ATXN8OS: variants seen among roughly 807,000 people sequenced by gnomAD.
ATXN8OS encodes the protein ATXN8 opposite strand (non-protein coding).
chr13:70,165,192 C>T (rs1889064016), intron 4 of ATXN8OS, among the ~76,000 whole-genome samples: 1 of 151,546 alleles, frequency 6.6e-6, no homozygotes, highest in African/African-American at 2.4e-5. Context: ...AAAACGAAAG[C>T]ATATTGTTAA....
chr13:70,140,533 C>CACACAA lies in ATXN8OS; in HGVS notation n.500-6821_500-6820insCACAAA, dbSNP rs71196274. The stretch of plus-strand genomic sequence containing the variant: ...TTGCTTACCATAACACACACACACA[C>CACACAA]AAAAAAAAAAAAACGGAGAAGAAAT... On this transcript the variant is annotated intron_variant and non_coding_transcript_variant, in intron 3 of 4. Coordinates refer to ENST00000678624, the Ensembl canonical transcript of ATXN8OS. 1.9e-3 allele frequency among the ~76,000 whole-genome samples: 247 copies of CACACAA among 133,044 alleles called. 1 individual carries two copies. The highest frequency in any genetic ancestry group is 2.6e-3 in the Non-Finnish European group (166 of 63,590). The allele number at this position is 133,044 out of a possible 152,430, so 87.3% of individuals were successfully genotyped here.
At chr13:70,130,078 C>T (rs1233738076) in intron 3 of ATXN8OS, among the ~76,000 whole-genome samples, 2 of 152,164 alleles carry the variant, frequency 1.3e-5, no homozygotes, top group South Asian at 2.1e-4. Flanking sequence ...GACTTTCTCT[C>T]CAATCTACTT....
intron 4 of ATXN8OS, among the ~76,000 whole-genome samples, chr13:70,160,441 G>A (rs1415311420): frequency 6.6e-6 from 1 of 151,814 alleles, no homozygotes; most frequent in Non-Finnish European, 1.5e-5. Flanking sequence ...TCTGGTGACA[G>A]CACTTTTCCT....
intron 2 of ATXN8OS, among the ~76,000 whole-genome samples, chr13:70,129,041 G>C (rs1888487044): frequency 1.3e-5 from 2 of 151,938 alleles, no homozygotes; most frequent in African/African-American, 4.8e-5. Flanking sequence ...TTTGTATTTA[G>C]TAGAGACAGG....
chr13:70,155,378 T>A (rs754949008), intron 4 of ATXN8OS, among the ~76,000 whole-genome samples: 2 of 152,130 alleles, frequency 1.3e-5, no homozygotes, highest in African/African-American at 4.8e-5. Flanking sequence ...AATTCTCAAT[T>A]TGGTCCATAA....
chr13:70,155,537 A>G (rs1888925704), intron 4 of ATXN8OS, among the ~76,000 whole-genome samples: 2 of 152,164 alleles, frequency 1.3e-5, no homozygotes, highest in South Asian at 4.1e-4. Flanking sequence ...AGCCTGTTAA[A>G]TGGTTATCAT....
At chr13:70,161,696 C>T (rs965051810) in intron 4 of ATXN8OS, among the ~76,000 whole-genome samples, 1 of 150,592 alleles carries the variant, frequency 6.6e-6, no homozygotes, top group Non-Finnish European at 1.5e-5. Context: ...CAGAGGCGGT[C>T]TCTGTTTCAT....
chr13:70,154,165 A>T lies in ATXN8OS; in HGVS notation n.573+6737A>T, dbSNP rs147975581. 2.0e-3 allele frequency among the ~76,000 whole-genome samples: 307 copies of T among 152,288 alleles called. 1 individual carries two copies. Among genetic ancestry groups the T allele is most frequent in the Middle Eastern group, 0.014 (4 of 294 alleles). On this transcript the variant is annotated intron_variant and non_coding_transcript_variant, in intron 4 of 4. Coordinates refer to ENST00000678624, the Ensembl canonical transcript of ATXN8OS. ...CAGTTTTATTTCTCCACATATTTTA[A>T]AAATAATGCTCTAAATTTTTGAGAG... is the stretch of plus-strand genomic sequence containing the variant.
chr13:70,158,889 C>A (rs770135756), intron 4 of ATXN8OS, among the ~76,000 whole-genome samples: 1 of 152,164 alleles, frequency 6.6e-6, no homozygotes, highest in Non-Finnish European at 1.5e-5. Flanking sequence ...CATAGTTTGT[C>A]AACCTCTGTG....
At chr13:70,157,779 C>T (rs896163859) in intron 4 of ATXN8OS, among the ~76,000 whole-genome samples, 13 of 152,084 alleles carry the variant, frequency 8.5e-5, no homozygotes, top group African/African-American at 3.1e-4. Context: ...CTCCAACTGG[C>T]CTAACTTAAT....
At chr13:70,161,303 G>A (rs573165705) in intron 4 of ATXN8OS, among the ~76,000 whole-genome samples, 4 of 152,104 alleles carry the variant, frequency 2.6e-5, no homozygotes, top group African/African-American at 9.6e-5. Context: ...CATTTACTGT[G>A]TTTCCAGGAA....
rs1888385620 is a variant in ATXN8OS, at chr13:70,123,171, A to G, written n.399-6613A>G. Among the ~76,000 whole-genome samples, 2 of 152,116 alleles carry G rather than the reference A, an allele frequency of 1.3e-5. 1 individual carries two copies. Among genetic ancestry groups the G allele is most frequent in the South Asian group, 4.1e-4 (2 of 4,834 alleles). On this transcript the variant is annotated intron_variant and non_coding_transcript_variant, in intron 2 of 4. Coordinates refer to ENST00000678624, the Ensembl canonical transcript of ATXN8OS. ...TTGCAAAACTCTTAGATTTTGCCAG[A>G]TACTATAGATAGAAAATATTACTGA... is the stretch of plus-strand genomic sequence containing the variant.
chr13:70,164,363 C>A (rs1290949043), intron 4 of ATXN8OS, among the ~76,000 whole-genome samples: 2 of 151,466 alleles, frequency 1.3e-5, no homozygotes, highest in Non-Finnish European at 2.9e-5. Flanking sequence ...ACAAGGCAGG[C>A]AAAGCACAGA....
chr13:70,160,615 GGTAA>G (rs1190879598), intron 4 of ATXN8OS, among the ~76,000 whole-genome samples: 1 of 148,842 alleles, frequency 6.7e-6, no homozygotes, highest in African/African-American at 2.5e-5. Flanking sequence ...AGTCTTAATT[GGTAA>G]GTATCATAAT....
intron 3 of ATXN8OS, among the ~76,000 whole-genome samples, chr13:70,140,759 T>C (rs1888703160): frequency 6.6e-6 from 1 of 152,048 alleles, no homozygotes; most frequent in African/African-American, 2.4e-5. Flanking sequence ...CCTGATTTAA[T>C]GCCCCCTAAC....
At position 70,161,939 on chromosome 13, in the gene ATXN8OS, C is replaced by G. The variant is rs552206976; in HGVS notation, n.574-7814C>G. 9.9e-4 allele frequency among the ~76,000 whole-genome samples: 151 copies of G among 151,948 alleles called. 2 individuals carry two copies. The East Asian group carries it at 0.026, about 26-fold the overall frequency. ...TAGGGGGATGGAAGACAAGGTAATA[C>G]AGAAATTCTATACATTCAACTTACT... On this transcript the variant is annotated intron_variant and non_coding_transcript_variant, in intron 4 of 4. Transcript: ENST00000678624.
chr13:70,170,100 A>T (rs879284078), exon 5 of ATXN8OS, among the ~76,000 whole-genome samples: 1 of 152,154 alleles, frequency 6.6e-6, no homozygotes, highest in African/African-American at 2.4e-5. Flanking sequence ...GTCCTGCCTT[A>T]GTTCCATTAG....
chr13:70,147,596 C>A (rs1365095881), intron 4 of ATXN8OS, among the ~76,000 whole-genome samples: 1 of 152,136 alleles, frequency 6.6e-6, no homozygotes, highest in Non-Finnish European at 1.5e-5. Context: ...AATTGATTTA[C>A]TCATTTATTC....
At chr13:70,157,658 A>C (rs909370546) in intron 4 of ATXN8OS, among the ~76,000 whole-genome samples, 1 of 152,096 alleles carries the variant, frequency 6.6e-6, no homozygotes, top group Admixed American at 6.5e-5. Context: ...GCAGCTTAAC[A>C]CATAGTTGGG....
Sources: gnomAD v4.1 joint callset for allele counts (sites outside exome capture counted in the v4.1 genomes callset) on GRCh38, gnomAD v4.1.1 for gene constraint, MANE v1.5 for transcripts, NCBI Gene and HGNC (gene_info 2026-07-23, HGNC 2026-07-21) for gene names.